GCFC2: variants seen among roughly 807,000 people sequenced by gnomAD.
The protein encoded by GCFC2 is intron Large complex component GCFC2.
A neutral mutation model predicts 99.4 loss-of-function variants in GCFC2; 102 were observed. That is an observed-to-expected ratio of 1.03 (90% CI 0.87 to 1.21). GCFC2 has a LOEUF of 1.21. Among genes scored for constraint, GCFC2 ranks in the 50% most tolerant of loss-of-function variants. GCFC2 has a pLI of 0.00. For synonymous variants in GCFC2, 338 were observed against 316.8 expected (o/e 1.07, Z -0.71); for missense variants, 973 against 920.9 (o/e 1.06, Z -0.73).
At chr2:75,679,802 G>A (rs1310000369) in intron 12 of GCFC2, 3 of 401,466 alleles carry the variant, frequency 7.5e-6, no homozygotes, top group African/African-American at 6.2e-5. Flanking sequence ...AATCCTGAAA[G>A]ATGGCTGCCT....
intron 4 of GCFC2, among the ~76,000 whole-genome samples, chr2:75,699,603 G>T (rs990315310): frequency 3.3e-5 from 5 of 151,828 alleles, no homozygotes; most frequent in Non-Finnish European, 7.4e-5. Flanking sequence ...TAGTGACAGG[G>T]TCTCACTCTG....
At chr2:75,708,140 G>T (rs1189551174) in intron 1 of GCFC2, among the ~76,000 whole-genome samples, 2 of 152,152 alleles carry the variant, frequency 1.3e-5, no homozygotes, top group Admixed American at 1.3e-4. Context: ...CGATTATTCA[G>T]ACATGGCTAT....
At chr2:75,692,144 GAA>G in intron 6 of GCFC2, 44 bp from the exon 7 acceptor site, 2 of 582,744 alleles carry the variant, frequency 3.4e-6, no homozygotes, top group Non-Finnish European at 5.0e-6. Context: ...CATCGATAAT[GAA>G]ATATATATAT....
At chr2:75,677,762 A>G (rs527296805) in intron 12 of GCFC2, among the ~76,000 whole-genome samples, 8 of 152,178 alleles carry the variant, frequency 5.3e-5, no homozygotes, top group Non-Finnish European at 1.2e-4. Context: ...GCGGATCACA[A>G]GGTCAGGAGA....
At chr2:75,681,096 ATCTTG>A (rs1218931100) in intron 11 of GCFC2, among the ~76,000 whole-genome samples, 1 of 152,198 alleles carries the variant, frequency 6.6e-6, no homozygotes, top group Non-Finnish European at 1.5e-5. Flanking sequence ...ACAACTATTT[ATCTTG>A]TATTAAAAAT....
chr2:75,690,791 G>T, intron 7 of GCFC2, 72 bp from the exon 8 acceptor site: 1 of 770,430 alleles, frequency 1.3e-6, no homozygotes, highest in Non-Finnish European at 2.2e-6. Flanking sequence ...TGAAAATAAA[G>T]GTAATATCAT....
intron 13 of GCFC2, among the ~76,000 whole-genome samples, 187 bp downstream of exon 13, chr2:75,673,257 G>A (rs896076643): frequency 3.3e-5 from 5 of 151,736 alleles, no homozygotes; most frequent in African/African-American, 4.8e-5. Context: ...GCAGTGAGCC[G>A]AGATCGCGCC....
chr2:75,672,711 G>A (rs1412951334), intron 13 of GCFC2, among the ~76,000 whole-genome samples: 1 of 152,058 alleles, frequency 6.6e-6, no homozygotes, highest in African/African-American at 2.4e-5. Context: ...TCTGTGCTAG[G>A]CCCTGTTGTG....
intron 2 of GCFC2, among the ~76,000 whole-genome samples, chr2:75,705,798 CA>C (rs1436158786): frequency 6.6e-6 from 1 of 152,058 alleles, no homozygotes; most frequent in Non-Finnish European, 1.5e-5. Context: ...GTCCACGGCA[CA>C]AAACAAGTTA....
In GCFC2 at chr2:75,691,937, TAATG is replaced by T. The variant is rs749591468; in HGVS notation, c.1144+36_1144+39del. On this transcript the variant is annotated intron_variant, in intron 7 of 16. Coordinates refer to ENST00000321027, the MANE Select transcript of GCFC2 (RefSeq NM_003203.5). ...TTTTTATTCTTCACATAATTTAGCT[TAATG>T]AATAATAAATTGTATGGAACACGAA... 2.4e-5 allele frequency: 27 copies of T among 1,111,690 alleles called. 1 individual carries two copies. The South Asian group carries it at 4.0e-4, about 17-fold the overall frequency. The allele number at this position is 1,111,690 out of a possible 1,614,324, so 68.9% of individuals were successfully genotyped here. A position where few individuals can be genotyped will look rare whatever the true frequency, so the allele number is the denominator to read the frequency against.
intron 14 of GCFC2, 78 bp from the exon 15 acceptor site, chr2:75,670,362 T>TCA: frequency 1.0e-6 from 1 of 983,806 alleles, no homozygotes; most frequent in Non-Finnish European, 1.6e-6. Context: ...CATGAAGAGT[T>TCA]GGTCAAACTA....
At chr2:75,702,136 G>A in intron 3 of GCFC2, 63 bp downstream of exon 3, 1 of 1,539,760 alleles carries the variant, frequency 6.5e-7, no homozygotes, top group Non-Finnish European at 8.8e-7. Context: ...TTTTTATGGA[G>A]ATTCTCTCAT....
rs370174661 is a variant in GCFC2 at position 75,702,440 on chromosome 2, C to T, written c.395-17G>A. On this transcript the variant is annotated splice_polypyrimidine_tract_variant and intron_variant, in intron 2 of 16. Coordinates refer to ENST00000321027, the MANE Select transcript of GCFC2 (RefSeq NM_003203.5). ...GGATCTTAACTGAAGGAAACAAAGA[C>T]GAGGACACTAAAAACCAAAGACCAA... 3.1e-6 allele frequency: 5 copies of T among 1,599,560 alleles called. No homozygotes were observed. Among genetic ancestry groups the T allele is most frequent in the African/African-American group, 2.7e-5 (2 of 74,380 alleles).
At chr2:75,696,137 G>A in intron 5 of GCFC2, 63 bp downstream of exon 5, 1 of 691,898 alleles carries the variant, frequency 1.4e-6, no homozygotes, top group South Asian at 1.7e-5. Flanking sequence ...AAAGAATATA[G>A]TGTTATATCT....
In GCFC2 at chr2:75,694,441, A is replaced by C. The variant is rs1232775215; in HGVS notation, c.834-14T>G. On this transcript the variant is annotated splice_polypyrimidine_tract_variant and intron_variant, in intron 5 of 16. Transcript: ENST00000321027. ...AGTAATGTTAATCTAAATAAATAAAATAAAAATTAGTTTATTTTTCATACT... is the reference window on the plus strand; with the variant it reads ...AGTAATGTTAATCTAAATAAATAAACTAAAAATTAGTTTATTTTTCATACT... 8.8e-7 allele frequency: 1 copy of C among 1,136,430 alleles called. No homozygotes were observed. The highest frequency in any genetic ancestry group is 1.2e-6 in the Non-Finnish European group (1 of 830,290). The allele number at this position is 1,136,430 out of a possible 1,614,324, so 70.4% of individuals were successfully genotyped here.
chr2:75,712,543 C>T (rs1371339477), upstream of GCFC2, among the ~76,000 whole-genome samples: 1 of 152,158 alleles, frequency 6.6e-6, no homozygotes, highest in Non-Finnish European at 1.5e-5. Flanking sequence ...AGAATAAAAG[C>T]AGGCTGCCCC....
chr2:75,701,547 C>T (rs529851099), intron 3 of GCFC2, among the ~76,000 whole-genome samples: 28 of 152,306 alleles, frequency 1.8e-4, no homozygotes, highest in African/African-American at 6.7e-4. Context: ...ATAACCTGCA[C>T]TCCTATCACT....
intron 1 of GCFC2, among the ~76,000 whole-genome samples, chr2:75,708,501 CTTTTTTTTTTTT>C (rs34414596): frequency 1.1e-4 from 9 of 78,640 alleles, no homozygotes; most frequent in South Asian, 5.5e-4. Flanking sequence ...CATTTGGCAA[CTTTTTTTTTTTT>C]TTTTTTTTTT....
At chr2:75,672,349 T>C (rs1010537498) in intron 13 of GCFC2, among the ~76,000 whole-genome samples, 1 of 145,154 alleles carries the variant, frequency 6.9e-6, no homozygotes, top group Admixed American at 7.0e-5. Context: ...TATTTATAAA[T>C]ATGTTTATAA....
Sources: gnomAD v4.1 joint callset for allele counts (sites outside exome capture counted in the v4.1 genomes callset) on GRCh38, gnomAD v4.1.1 for gene constraint, MANE v1.5 for transcripts, NCBI Gene and HGNC (gene_info 2026-07-23, HGNC 2026-07-21) for gene names.